Variants in DOCK6 observed in about 807,000 individuals in gnomAD.
The protein encoded by DOCK6 is dedicator of cytokinesis protein 6.
In DOCK6, 167 loss-of-function variants were observed where a neutral mutation model predicts 230.3. That is an observed-to-expected ratio of 0.73 (90% CI 0.64 to 0.82). DOCK6 has a LOEUF of 0.82. DOCK6 is among the 40% of genes least tolerant of loss of function. The probability of loss-of-function intolerance (pLI) is 0.00; values close to 1 mark genes in which losing one functional copy is unlikely to be tolerated. For missense variants in DOCK6, 2,598 were observed against 2,825.8 expected (o/e 0.92, Z 1.83); for synonymous variants, 1,148 against 1,185.0 (o/e 0.97, Z 0.64).
At chr19:11,262,361 T>C in intron 1 of DOCK6, 36 bp downstream of exon 1, 1 of 948,304 alleles carries the variant, frequency 1.1e-6, no homozygotes, top group South Asian at 4.2e-5. Flanking sequence ...CCGGGCCACG[T>C]GGGGGAGGTG....
intron 35 of DOCK6, 130 bp from the exon 36 acceptor site, chr19:11,212,281 G>A (rs1224754082): frequency 1.8e-5 from 20 of 1,081,386 alleles, no homozygotes; most frequent in African/African-American, 9.5e-5. Flanking sequence ...TCACTCTGTC[G>A]CCCAGGCTGG....
Position 11,237,047 on chromosome 19 carries a change from G to T in DOCK6, c.2074-168C>A, listed in dbSNP as rs983071237. 3.7e-5 allele frequency: 24 copies of T among 653,574 alleles called. No individual in the cohort carries two copies. In the Admixed American group the frequency reaches 6.2e-4, roughly 17 times the overall value. 40.5% of individuals were successfully genotyped at this position (653,574 alleles called of 1,614,324 possible). A position where few individuals can be genotyped will look rare whatever the true frequency, so the allele number is the denominator to read the frequency against. ...TCCCAGTAGACTGAGAGGGTCCACT[G>T]GGCAGGCTGGAAATCCACATGCCAA... On this transcript the variant is annotated intron_variant, in intron 18 of 47. Transcript: ENST00000294618.
intron 28 of DOCK6, among the ~76,000 whole-genome samples, chr19:11,219,496 T>C (rs976526492): frequency 1.3e-5 from 2 of 150,912 alleles, no homozygotes; most frequent in African/African-American, 4.9e-5. Context: ...CTTAAAAAAA[T>C]CACTGTTAAT....
In DOCK6 at chr19:11,243,171, C is replaced by A; in HGVS notation, c.1387-19G>T. On this transcript the variant is annotated intron_variant, in intron 12 of 47. Transcript: ENST00000294618. The surrounding 1 kb of genome is among the most constrained non-coding windows in gnomAD (Gnocchi z 6.3). The stretch of plus-strand genomic sequence containing the variant: ...CAGCCTCCTACATGGGACCCACTCC[C>A]GTCAGCCTGGGCCAGGGGGCTAGGG... 1 of 1,613,072 alleles carries A rather than the reference C, an allele frequency of 6.2e-7. No individual in the cohort carries two copies. Among genetic ancestry groups the A allele is most frequent in the East Asian group, 2.2e-5 (1 of 44,846 alleles).
Position 11,233,283 on chromosome 19 carries a change from T to A in DOCK6, c.2638A>T (p.Ser880Cys). Residue 880 changes from serine (S) to cysteine (C), a missense_variant, in exon 22 of 48, where the codon AGC (serine) becomes TGC (cysteine). Physicochemically the swap from Ser to Cys is moderately radical, Grantham distance 112. Transcript: ENST00000294618. ...AGGTCAGGGTTGCTGCTGCTGATGC[T>A]CTTGGAACGCGCCAGGTAGAGGCTT... is the stretch of plus-strand genomic sequence containing the variant. ...PASLYLARSK[S>C]ISSSNPDLAV... 2.5e-6 allele frequency: 4 copies of A among 1,613,808 alleles called. No individual in the cohort carries two copies. The highest frequency in any genetic ancestry group is 3.4e-6 in the Non-Finnish European group (4 of 1,179,838).
In DOCK6 at chr19:11,201,393, CTG is replaced by C. The variant is rs559153176; in HGVS notation, c.5689-343_5689-342del. Among the ~76,000 whole-genome samples, 49 of 152,278 alleles carry C rather than the reference CTG, an allele frequency of 3.2e-4. No individual in the cohort carries two copies. The highest frequency in any genetic ancestry group is 6.2e-4 in the Non-Finnish European group (42 of 68,006). On this transcript the variant is annotated intron_variant, in intron 44 of 47. Transcript: ENST00000294618. This position sits in a 1 kb window ranked among gnomAD's most constrained non-coding sequence, Gnocchi z 4.3. ...TCTAGCGTGTCCACGCCTCTCCTCTCTGGGTCTGGAATCCCTGGGCTTCTCCT... is the reference window on the plus strand; with the variant it reads ...TCTAGCGTGTCCACGCCTCTCCTCTCGGTCTGGAATCCCTGGGCTTCTCCT...
chr19:11,230,877 G>A (rs983216959), intron 22 of DOCK6, among the ~76,000 whole-genome samples: 1 of 152,084 alleles, frequency 6.6e-6, no homozygotes, highest in African/African-American at 2.4e-5. Context: ...CTGGTTAGGG[G>A]GTGAGGCTGC....
intron 22 of DOCK6, among the ~76,000 whole-genome samples, chr19:11,230,025 C>G (rs1234546762): frequency 9.0e-6 from 1 of 111,480 alleles, no homozygotes; most frequent in Non-Finnish European, 1.7e-5. Context: ...GCTTGGGTGA[C>G]AGAGCAAGAC....
At chr19:11,238,696 C>T (rs1029877930) in intron 14 of DOCK6, 6 of 193,844 alleles carry the variant, frequency 3.1e-5, no homozygotes, top group Non-Finnish European at 6.6e-5. Context: ...CCTGACTGCC[C>T]TTCCCCCAGG....
Position 11,202,824 on chromosome 19 carries a change from A to C in DOCK6, c.5236-115T>G. 6.5e-7 allele frequency: 1 copy of C among 1,544,806 alleles called. No homozygotes were observed. Among genetic ancestry groups the C allele is most frequent in the Non-Finnish European group, 8.8e-7 (1 of 1,134,326 alleles). On this transcript the variant is annotated intron_variant, in intron 41 of 47. Coordinates refer to ENST00000294618, the MANE Select transcript of DOCK6 (RefSeq NM_020812.4). This position sits in a 1 kb window ranked among gnomAD's most constrained non-coding sequence, Gnocchi z 5.3. ...GGAGTGTGAGGACCCCGAGAACATCAGGGCATGGGCACAGGCAGGGGGCCC... is the reference window on the plus strand; with the variant it reads ...GGAGTGTGAGGACCCCGAGAACATCCGGGCATGGGCACAGGCAGGGGGCCC...
In DOCK6 at chr19:11,222,276, G is replaced by A; in HGVS notation, c.3241-28C>T. ...GCAGAGTGGGGGAAAAATGGGGGATGCCAGCGGTCAAGGGTCAGAGGTGGC... is the reference window on the plus strand; with the variant it reads ...GCAGAGTGGGGGAAAAATGGGGGATACCAGCGGTCAAGGGTCAGAGGTGGC... On this transcript the variant is annotated intron_variant, in intron 26 of 47. Coordinates refer to ENST00000294618, the MANE Select transcript of DOCK6 (RefSeq NM_020812.4). This position sits in a 1 kb window ranked among gnomAD's most constrained non-coding sequence, Gnocchi z 4.0. 6.3e-7 allele frequency: 1 copy of A among 1,580,344 alleles called. No homozygotes were observed. The highest frequency in any genetic ancestry group is 8.6e-7 in the Non-Finnish European group (1 of 1,163,240).
At chr19:11,206,351 T>G (rs545917360) in intron 39 of DOCK6, 1 of 151,464 alleles carries the variant, frequency 6.6e-6, no homozygotes, top group East Asian at 1.9e-4. Flanking sequence ...GTCTAGGAGT[T>G]CAAGCCCAGC....
chr19:11,202,792 C>T lies in DOCK6; in HGVS notation c.5236-83G>A, dbSNP rs2079193190. 7 of 1,599,460 alleles carry T rather than the reference C, an allele frequency of 4.4e-6. No individual in the cohort carries two copies. The highest frequency in any genetic ancestry group is 1.7e-4 in the Middle Eastern group (1 of 5,872). ...CCCCAGAGATAGGTGTCTCGAATAT[C>T]AGGATGGGAGTGTGAGGACCCCGAG... On this transcript the variant is annotated intron_variant, in intron 41 of 47. Coordinates refer to ENST00000294618, the MANE Select transcript of DOCK6 (RefSeq NM_020812.4). The surrounding 1 kb of genome is among the most constrained non-coding windows in gnomAD (Gnocchi z 5.3).
At chr19:11,217,614 T>C (rs2079513516) in intron 28 of DOCK6, among the ~76,000 whole-genome samples, 2 of 151,422 alleles carry the variant, frequency 1.3e-5, no homozygotes, top group Admixed American at 6.6e-5. Context: ...AAAAATTAGC[T>C]GGGTGTGGTG....
In DOCK6 at chr19:11,252,426, T is replaced by C. The variant is rs373769908; in HGVS notation, c.377+56A>G. ...TACACAGTAGGACCGGCTGCAGACA[T>C]CAGCTCAGCCCTTTTGGGTTCCGAA... On this transcript the variant is annotated intron_variant, in intron 4 of 47. Coordinates refer to ENST00000294618, the MANE Select transcript of DOCK6 (RefSeq NM_020812.4). The C allele has an allele frequency of 8.8e-4, 1,416 of 1,605,374 alleles. 1 individual carries two copies. The highest frequency in any genetic ancestry group is 4.3e-3 in the Middle Eastern group (26 of 6,004).
chr19:11,218,216 G>A (rs1426134284), intron 28 of DOCK6, among the ~76,000 whole-genome samples: 1 of 151,424 alleles, frequency 6.6e-6, no homozygotes, highest in East Asian at 1.9e-4. Context: ...GCGCCATCTT[G>A]GCCCACTGCG....
rs2080041403 is a variant in DOCK6, at chr19:11,246,776, T to C, written c.807-898A>G. 2.0e-5 allele frequency among the ~76,000 whole-genome samples: 3 copies of C among 152,142 alleles called. No homozygotes were observed. The South Asian group carries it at 6.2e-4, about 32-fold the overall frequency. Reference sequence around the variant, plus strand: ...ATTGTCACTCTGCACGGAGTTCCCATCTCGCTCACCTGAACGGCCACCATA... The same window carrying C: ...ATTGTCACTCTGCACGGAGTTCCCACCTCGCTCACCTGAACGGCCACCATA... On this transcript the variant is annotated intron_variant, in intron 7 of 47. Coordinates refer to ENST00000294618, the MANE Select transcript of DOCK6 (RefSeq NM_020812.4).
intron 31 of DOCK6, 159 bp downstream of exon 31, chr19:11,215,642 G>C (rs2079473263): frequency 7.4e-7 from 1 of 1,350,082 alleles, no homozygotes; most frequent in Non-Finnish European, 1.0e-6. Flanking sequence ...TGACAGATGG[G>C]GACGCACAGG....
chr19:11,258,855 C>G (rs2080239535), intron 1 of DOCK6, among the ~76,000 whole-genome samples: 1 of 151,700 alleles, frequency 6.6e-6, no homozygotes, highest in African/African-American at 2.4e-5. Context: ...GTCCCGGGTT[C>G]AAGTGATTCT....
Sources: allele counts gnomAD v4.1 joint callset (sites outside exome capture counted in the v4.1 genomes callset), GRCh38; gene constraint gnomAD v4.1.1; non-coding constraint Gnocchi (gnomAD v3.1); transcripts MANE v1.5; gene names NCBI Gene and HGNC (gene_info 2026-07-23, HGNC 2026-07-21).